STK39: variants seen among roughly 807,000 people sequenced by gnomAD.
The protein encoded by STK39 is STE20/SPS1-related proline-alanine-rich protein kinase.
Under a neutral mutation model 77.8 loss-of-function variants are expected in STK39, and 20 were observed. The observed-to-expected ratio is 0.26, with a 90% CI of 0.18 to 0.37. The LOEUF is 0.37. Among genes scored for constraint, STK39 ranks in the 10% least tolerant of loss-of-function variants. STK39 has a pLI of 1.00. For synonymous variants in STK39, 246 were observed against 234.1 expected (o/e 1.05, Z -0.47); for missense variants, 479 against 656.5 (o/e 0.73, Z 2.95).
intron 17 of STK39, among the ~76,000 whole-genome samples, chr2:167,956,566 A>G (rs1691771252): frequency 6.7e-6 from 1 of 148,182 alleles, no homozygotes; most frequent in South Asian, 2.1e-4. Context: ...CCACCTCAGA[A>G]AAAAAAAAAA....
rs1218130303 is a variant in STK39, at chr2:168,177,792, A to G, written c.321+4186T>C. On this transcript the variant is annotated intron_variant, in intron 2 of 17. Transcript: ENST00000355999. ...GACACAGAATATACTAGTTTGCAAGACAATGGGTCAGACCCATTGGGCAAA... is the reference window on the plus strand; with the variant it reads ...GACACAGAATATACTAGTTTGCAAGGCAATGGGTCAGACCCATTGGGCAAA... Among the ~76,000 whole-genome samples, 2 of 152,228 alleles carry G rather than the reference A, an allele frequency of 1.3e-5. 1 individual carries two copies. Among genetic ancestry groups the G allele is most frequent in the South Asian group, 4.1e-4 (2 of 4,836 alleles).
intron 5 of STK39, among the ~76,000 whole-genome samples, chr2:168,154,424 T>C (rs1041989915): frequency 1.3e-5 from 2 of 152,228 alleles, no homozygotes; most frequent in Non-Finnish European, 2.9e-5. Flanking sequence ...TCCTCAAGTG[T>C]ACTACATACA....
chr2:168,099,367 G>A (rs766110186), intron 10 of STK39, among the ~76,000 whole-genome samples: 3 of 152,228 alleles, frequency 2.0e-5, no homozygotes, highest in Non-Finnish European at 2.9e-5. Context: ...TTAGGTTGAA[G>A]AGTTAACTTC....
intron 10 of STK39, among the ~76,000 whole-genome samples, chr2:168,128,699 A>C (rs866318682): frequency 1.6e-4 from 24 of 152,378 alleles, no homozygotes; most frequent in African/African-American, 5.8e-4. Context: ...TTTAATATTC[A>C]GCTATGTATA....
At chr2:168,098,176 A>C (rs1686724471) in intron 10 of STK39, among the ~76,000 whole-genome samples, 1 of 152,236 alleles carries the variant, frequency 6.6e-6, no homozygotes, top group Non-Finnish European at 1.5e-5. Flanking sequence ...TTCGGCACCC[A>C]AGAAATATTT....
intron 2 of STK39, among the ~76,000 whole-genome samples, chr2:168,180,968 T>C (rs1689069738): frequency 6.6e-6 from 1 of 152,240 alleles, no homozygotes; most frequent in South Asian, 2.1e-4. Context: ...ACTTAATTTA[T>C]ACTATAGTGT....
intron 1 of STK39, 75 bp downstream of exon 1, chr2:168,247,153 C>T (rs1690940951): frequency 3.8e-6 from 4 of 1,053,276 alleles, no homozygotes; most frequent in South Asian, 3.6e-5. Flanking sequence ...GCAGGCTAGC[C>T]CAGCATCCCG....
At chr2:168,147,239 AGTT>A (rs896672756) in intron 5 of STK39, among the ~76,000 whole-genome samples, 5 of 152,286 alleles carry the variant, frequency 3.3e-5, no homozygotes, top group South Asian at 2.1e-4. Flanking sequence ...TTTGATTCCC[AGTT>A]GTTGTTTTTT....
At chr2:168,116,827 C>T (rs1010253864) in intron 10 of STK39, among the ~76,000 whole-genome samples, 5 of 152,198 alleles carry the variant, frequency 3.3e-5, no homozygotes, top group African/African-American at 9.7e-5. Context: ...ATTTTAAAGA[C>T]TTGCAGGATC....
At chr2:168,159,370 C>A (rs980179881) in intron 5 of STK39, among the ~76,000 whole-genome samples, 1 of 152,130 alleles carries the variant, frequency 6.6e-6, no homozygotes, top group Non-Finnish European at 1.5e-5. Flanking sequence ...CTCTTCCCCC[C>A]GATCTCGCCT....
chr2:167,984,154 T>C (rs1379856061), intron 16 of STK39, among the ~76,000 whole-genome samples: 1 of 152,230 alleles, frequency 6.6e-6, no homozygotes, highest in Non-Finnish European at 1.5e-5. Flanking sequence ...CTTACAAGTA[T>C]ATGCCATAAA....
chr2:168,131,402 G>A (rs1468452229), intron 8 of STK39, among the ~76,000 whole-genome samples: 2 of 152,132 alleles, frequency 1.3e-5, no homozygotes, highest in Non-Finnish European at 2.9e-5. Flanking sequence ...GGCGGGGCAA[G>A]TTGAAAAGGA....
At chr2:168,238,577 C>A (rs1335087412) in intron 1 of STK39, among the ~76,000 whole-genome samples, 2 of 152,182 alleles carry the variant, frequency 1.3e-5, no homozygotes, top group East Asian at 1.9e-4. Flanking sequence ...TCCTCAATGT[C>A]CAAGAAGTTT....
chr2:168,008,092 T>C (rs564298725), intron 16 of STK39, among the ~76,000 whole-genome samples: 38 of 152,226 alleles, frequency 2.5e-4, no homozygotes, highest in African/African-American at 8.7e-4. Flanking sequence ...GCTTTCTGAC[T>C]CCATGGATTT....
chr2:168,114,343 G>A (rs1039264894), intron 10 of STK39, among the ~76,000 whole-genome samples: 8 of 152,296 alleles, frequency 5.3e-5, no homozygotes, highest in Non-Finnish European at 1.0e-4. Flanking sequence ...ACTTCCTTAT[G>A]CTCACTTGTA....
At chr2:168,136,773 C>G (rs1687852937) in intron 8 of STK39, among the ~76,000 whole-genome samples, 1 of 152,258 alleles carries the variant, frequency 6.6e-6, no homozygotes, top group East Asian at 1.9e-4. Flanking sequence ...AATCTAAGAG[C>G]ATTTCACCCA....
chr2:168,000,295 T>C (rs1453629510), intron 16 of STK39, among the ~76,000 whole-genome samples: 1 of 152,180 alleles, frequency 6.6e-6, no homozygotes, highest in African/African-American at 2.4e-5. Flanking sequence ...ATATCAAAAA[T>C]TAATTTCTCA....
At chr2:168,188,044 T>C (rs1286361685) in intron 1 of STK39, among the ~76,000 whole-genome samples, 2 of 152,234 alleles carry the variant, frequency 1.3e-5, no homozygotes, top group Non-Finnish European at 2.9e-5. Flanking sequence ...CAGCTGTCCT[T>C]TGCCAGTGAA....
chr2:168,223,098 C>T (rs1427679874), intron 1 of STK39, among the ~76,000 whole-genome samples: 1 of 152,186 alleles, frequency 6.6e-6, no homozygotes, highest in Non-Finnish European at 1.5e-5. Flanking sequence ...AGCCAAGTAA[C>T]TGGCTCTCAG....
Sources: allele counts gnomAD v4.1 joint callset (sites outside exome capture counted in the v4.1 genomes callset), GRCh38; gene constraint gnomAD v4.1.1; transcripts MANE v1.5; gene names NCBI Gene and HGNC (gene_info 2026-07-23, HGNC 2026-07-21).